The following ZDHHC24 variants were observed in gnomAD, a reference collection of about 807,000 sequenced individuals.
ZDHHC24 encodes zDHHC palmitoyltransferase 24, also known as probable palmitoyltransferase ZDHHC24.
ZDHHC24 carries 17 observed loss-of-function variants against 23.2 expected under a neutral mutation model. The ratio of observed to expected loss-of-function variants is 0.73; its 90% confidence interval spans 0.50 to 1.10. The LOEUF (loss-of-function observed/expected upper bound fraction) is 1.10, where lower values mean the gene tolerates loss of function less well. Among genes scored for constraint, ZDHHC24 ranks in the 50% least tolerant of loss-of-function variants. The pLI, the probability that ZDHHC24 is intolerant of heterozygous loss-of-function variation, is 0.00. For synonymous variants in ZDHHC24, 186 were observed against 194.5 expected, an observed-to-expected ratio of 0.96 and a Z score of 0.36; for missense variants, 366 against 393.0, an observed-to-expected ratio of 0.93 and a Z score of 0.58.
At chr11:66,544,122 G>T in intron 1 of ZDHHC24, 141 bp from the exon 2 acceptor site, 1 of 1,149,880 alleles carries the variant, frequency 8.7e-7, no homozygotes, top group Non-Finnish European at 1.2e-6. Context: ...ACAAGTAAAT[G>T]CAGGCTAAAC....
intron 2 of ZDHHC24, 101 bp downstream of exon 2, chr11:66,543,603 T>C (rs1590796637): frequency 1.4e-6 from 2 of 1,410,552 alleles, no homozygotes; most frequent in Non-Finnish European, 1.9e-6. Context: ...TGGGGCTGGG[T>C]CCCCCAGGCC....
chr11:66,529,751 G>GC, intron 2 of ZDHHC24: 1 of 1,584,478 alleles, frequency 6.3e-7, no homozygotes, highest in Non-Finnish European at 8.6e-7. Context: ...GAGCAGGAGT[G>GC]CCCCGTTGCT....
chr11:66,546,028 C>A lies in ZDHHC24; in HGVS notation c.-25G>T. The A allele has an allele frequency of 7.3e-7, 1 of 1,376,184 alleles. No homozygotes were observed. The highest frequency in any genetic ancestry group is 9.3e-7 in the Non-Finnish European group (1 of 1,073,704). The allele number at this position is 1,376,184 out of a possible 1,614,324, so 85.2% of individuals were successfully genotyped here. On this transcript the variant is annotated 5_prime_UTR_variant, in exon 1 of 3. Coordinates refer to ENST00000310442, the MANE Select transcript of ZDHHC24 (RefSeq NM_207340.3). The stretch of plus-strand genomic sequence containing the variant: ...TGGCCTGGACACCCAGCTGTCGGAG[C>A]CGGAGGACTAGGCCGCTTCCGTATT...
chr11:66,524,600 A>G (rs1348821012), intron 4 of ZDHHC24, among the ~76,000 whole-genome samples: 1 of 152,198 alleles, frequency 6.6e-6, no homozygotes, highest in Non-Finnish European at 1.5e-5. Flanking sequence ...CATTCTGCAC[A>G]GAGAATAGCA....
rs1180345705 is a variant in ZDHHC24 at position 66,535,815 on chromosome 11, A to G, written c.*3714T>C. 2 of 152,190 alleles carry G rather than the reference A, an allele frequency of 1.3e-5. No homozygotes were observed. The highest frequency in any genetic ancestry group is 4.8e-5 in the African/African-American group (2 of 41,450). 9.4% of individuals were successfully genotyped at this position (152,190 alleles called of 1,614,324 possible). On this transcript the variant is annotated 3_prime_UTR_variant, in exon 3 of 3. Coordinates refer to ENST00000310442, the MANE Select transcript of ZDHHC24 (RefSeq NM_207340.3). ...TTGACAAGCTGATTCTCAAGGTTAC[A>G]TGGAAGAGCAAGGGCCGAGACTAGA...
chr11:66,545,723 G>A lies in ZDHHC24; in HGVS notation c.281C>T (p.Ala94Val). The change falls in exon 1 of 3, where the codon GCT (alanine) becomes GTT (valine). Residue 94 changes from alanine (A) to valine (V), a missense_variant and splice_region_variant. Ala to Val is a moderately conservative substitution (Grantham distance 64, BLOSUM62 0). Coordinates refer to ENST00000310442, the MANE Select transcript of ZDHHC24 (RefSeq NM_207340.3). The surrounding 1 kb of genome is among the most constrained non-coding windows in gnomAD (Gnocchi z 4.5). ...CCGCCCGATCCCGCACCCCACTCAC[G>A]CCCAGCCCTGGCCCAGACCGCGGCC... ...LAGRGLGQGW[A>V]YCYQCQSQVP... The A allele has an allele frequency of 6.5e-7, 1 of 1,548,698 alleles. No homozygotes were observed.
At chr11:66,527,207 CAA>C (rs201003949) in intron 3 of ZDHHC24, 1,449 of 438,054 alleles carry the variant, frequency 3.3e-3, no homozygotes, top group Middle Eastern at 4.8e-3. Flanking sequence ...ACTTCTTTCT[CAA>C]AAAAAAAAAA....
chr11:66,534,414 C>G (rs1856895073), downstream of ZDHHC24, among the ~76,000 whole-genome samples: 1 of 132,470 alleles, frequency 7.5e-6, no homozygotes, highest in Non-Finnish European at 1.5e-5. Flanking sequence ...CTACACCACT[C>G]TAGCCTGGGC....
Position 66,524,693 on chromosome 11 carries a change from C to CT in ZDHHC24, c.*21+2242dup, listed in dbSNP as rs543962005. Among the ~76,000 whole-genome samples the CT allele has an allele frequency of 4.6e-5, 7 of 152,268 alleles. No individual in the cohort carries two copies. The East Asian group carries it at 7.7e-4, about 17-fold the overall frequency. On this transcript the variant is annotated intron_variant, in intron 4 of 4. Coordinates refer to the ZDHHC24 transcript ENST00000526986. ...AGTTTGGACCAGAGGTTTTCAGACTCTAAGTTGTGAATCATTAAATCAGTT... is the reference window on the plus strand; with the variant it reads ...AGTTTGGACCAGAGGTTTTCAGACTCTTAAGTTGTGAATCATTAAATCAGTT...
exon 5 of ZDHHC24, chr11:66,521,366 A>G: frequency 6.2e-7 from 1 of 1,614,058 alleles, no homozygotes; most frequent in Non-Finnish European, 8.5e-7. Flanking sequence ...AAACATCTAT[A>G]TTCTGAGAAG....
chr11:66,529,616 T>C (rs891897901), intron 2 of ZDHHC24: 1 of 701,650 alleles, frequency 1.4e-6, no homozygotes, highest in Non-Finnish European at 2.5e-6. Context: ...GGTAAGAGAG[T>C]GAGAAGAGGC....
rs532010005 is a variant in ZDHHC24 at position 66,526,433 on chromosome 11, A to C, written c.*21+503T>G. On this transcript the variant is annotated intron_variant, in intron 4 of 4. Transcript: ENST00000526986. Reference sequence around the variant, plus strand: ...CCCAGTGCCTGCCACGATGCCAGGAACATCACAGTACTCCACAAATAACTG... The same window carrying C: ...CCCAGTGCCTGCCACGATGCCAGGACCATCACAGTACTCCACAAATAACTG... Among the ~76,000 whole-genome samples the C allele has an allele frequency of 5.9e-5, 9 of 152,354 alleles. No homozygotes were observed. The South Asian group carries it at 1.9e-3, about 32-fold the overall frequency.
At position 66,536,102 on chromosome 11, in the gene ZDHHC24, G is replaced by A. The variant is rs1230564117; in HGVS notation, c.*3427C>T. ...ACAAACACATTAATAAAACTATAAA[G>A]CAAAGCAACGGAATGACTGAAACAG... On this transcript the variant is annotated 3_prime_UTR_variant, in exon 3 of 3. Transcript: ENST00000310442. 1 of 152,344 alleles carries A rather than the reference G, an allele frequency of 6.6e-6. No homozygotes were observed. The highest frequency in any genetic ancestry group is 1.9e-4 in the East Asian group (1 of 5,200). The allele number at this position is 152,344 out of a possible 1,614,324, so 9.4% of individuals were successfully genotyped here.
intron 2 of ZDHHC24, among the ~76,000 whole-genome samples, chr11:66,543,058 G>A (rs1857197640): frequency 6.6e-6 from 1 of 152,152 alleles, no homozygotes; most frequent in Non-Finnish European, 1.5e-5. Context: ...TCAGGAGGAA[G>A]GAATGGGGGC....
exon 4 of ZDHHC24, chr11:66,526,961 G>A: frequency 6.4e-7 from 1 of 1,562,946 alleles, no homozygotes; most frequent in East Asian, 2.4e-5. Flanking sequence ...GACAGCCTAG[G>A]AGGTACACGT....
downstream of ZDHHC24, chr11:66,532,008 C>A (rs779936951): frequency 1.2e-5 from 19 of 1,607,618 alleles, no homozygotes; most frequent in Non-Finnish European, 1.5e-5. Context: ...CGTCAACATG[C>A]CTGGGAGCGA....
intron 4 of ZDHHC24, chr11:66,521,568 A>G (rs1282389752): frequency 1.6e-6 from 1 of 633,058 alleles, no homozygotes; most frequent in Non-Finnish European, 2.8e-6. Flanking sequence ...GGGCTGGCAC[A>G]GTGAGAGACT....
In ZDHHC24 at chr11:66,539,794, G is replaced by T. The variant is rs201844506; in HGVS notation, c.590C>A (p.Ala197Asp). ...GRVSLAQFAL[A>D]FVTDTCVAGA... ...CGCCACGCACGTGTCCGTCACGAAG[G>T]CCAAGGCAAACTGTGCCAGAGACAC... The change falls in exon 3 of 3, where the codon GCC becomes GAC. Residue 197 changes from alanine to aspartate, a missense_variant. Physicochemically the swap from Ala to Asp is moderately radical, Grantham distance 126. Coordinates refer to ENST00000310442, the MANE Select transcript of ZDHHC24 (RefSeq NM_207340.3). 6.2e-6 allele frequency: 10 copies of T among 1,610,596 alleles called. No individual in the cohort carries two copies. The highest frequency in any genetic ancestry group is 7.6e-6 in the Non-Finnish European group (9 of 1,178,410).
intron 4 of ZDHHC24, chr11:66,526,595 G>A (rs1856504444): frequency 6.2e-7 from 1 of 1,610,754 alleles, no homozygotes; most frequent in Admixed American, 1.7e-5. Context: ...GAAAGAATGG[G>A]AATGTGGGTA....
Sources: gnomAD v4.1 joint callset for allele counts (sites outside exome capture counted in the v4.1 genomes callset) on GRCh38, gnomAD v4.1.1 for gene constraint, Gnocchi (gnomAD v3.1) non-coding constraint, MANE v1.5 for transcripts, NCBI Gene and HGNC (gene_info 2026-07-23, HGNC 2026-07-21) for gene names.